ALG9: variants seen among roughly 807,000 people sequenced by gnomAD.
ALG9 encodes the protein ALG9 alpha-1,2-mannosyltransferase.
ALG9 carries 55 observed loss-of-function variants against 81.8 expected under a neutral mutation model. That is an observed-to-expected ratio of 0.67 (90% CI 0.54 to 0.84). The LOEUF is 0.84. Among genes scored for constraint, ALG9 ranks in the 40% least tolerant of loss-of-function variants. ALG9 has a pLI of 0.00. For synonymous variants in ALG9, 278 were observed against 274.3 expected (o/e 1.01, Z -0.13); for missense variants, 629 against 745.0 (o/e 0.84, Z 1.81).
intron 13 of ALG9, among the ~76,000 whole-genome samples, chr11:111,822,672 C>T (rs1952620545): frequency 6.6e-6 from 1 of 151,956 alleles, no homozygotes; most frequent in Non-Finnish European, 1.5e-5. Context: ...ATGATCATGC[C>T]ACTGCACTCC....
downstream of ALG9, among the ~76,000 whole-genome samples, chr11:111,777,367 C>T (rs1555055616): frequency 6.6e-6 from 1 of 152,102 alleles, no homozygotes; most frequent in African/African-American, 2.4e-5. Context: ...TAAAGAAATG[C>T]AATGAAGATA....
chr11:111,870,382 C>CAAA lies in ALG9; in HGVS notation c.132-15_132-13dup, dbSNP rs60312459. The CAAA allele has an allele frequency of 8.4e-4, 814 of 972,762 alleles. 3 individuals are homozygous for CAAA. Among genetic ancestry groups the CAAA allele is most frequent in the South Asian group, 3.4e-3 (145 of 42,834 alleles). The allele number at this position is 972,762 out of a possible 1,614,324, so 60.3% of individuals were successfully genotyped here. A position where few individuals can be genotyped will look rare whatever the true frequency, so the allele number is the denominator to read the frequency against. ...TGTTCCCAGATAACCTGTTCAAAAG[C>CAAA]AAAAAAAAAAAAAAAAAAAAAAGCA... On this transcript the variant is annotated splice_polypyrimidine_tract_variant and intron_variant, in intron 1 of 14. Transcript: ENST00000616540.
chr11:111,864,104 A>G, intron 4 of ALG9: 2 of 449,934 alleles, frequency 4.4e-6, no homozygotes, highest in Non-Finnish European at 8.0e-6. Flanking sequence ...CCATGTAACC[A>G]AAACCCACCT....
chr11:111,820,917 C>T (rs973795118), intron 13 of ALG9, among the ~76,000 whole-genome samples: 45 of 103,368 alleles, frequency 4.4e-4, no homozygotes, highest in East Asian at 7.4e-4. Context: ...TCCAAACACG[C>T]GCGCACACAC....
chr11:111,848,884 A>ACCACCAGAAGGACATGCTCCTATGATT (rs1478940355), intron 8 of ALG9, among the ~76,000 whole-genome samples: 25 of 152,118 alleles, frequency 1.6e-4, no homozygotes, highest in Admixed American at 1.5e-3. Flanking sequence ...CTTTCTTGAC[A>ACCACCAGAAGGACATGCTCCTATGATT]CCACCAGAAG....
chr11:111,862,679 CTT>C (rs1450410553), intron 4 of ALG9, among the ~76,000 whole-genome samples: 1 of 150,102 alleles, frequency 6.7e-6, no homozygotes, highest in African/African-American at 2.4e-5. Context: ...TCTACTGAGT[CTT>C]AAATATAAAT....
chr11:111,840,201 CG>C (rs1182576729), intron 10 of ALG9, among the ~76,000 whole-genome samples: 1 of 152,142 alleles, frequency 6.6e-6, no homozygotes, highest in Non-Finnish European at 1.5e-5. Flanking sequence ...CTACTGAAGC[CG>C]TAAGTACAGA....
chr11:111,814,662 T>C (rs928308862), intron 13 of ALG9: 1 of 152,176 alleles, frequency 6.6e-6, no homozygotes, highest in Non-Finnish European at 1.5e-5. Flanking sequence ...CTCCCAGCAT[T>C]ATTTATATGT....
At chr11:111,812,784 G>A (rs1950916382) in intron 13 of ALG9, among the ~76,000 whole-genome samples, 1 of 151,916 alleles carries the variant, frequency 6.6e-6, no homozygotes, top group Non-Finnish European at 1.5e-5. Context: ...AGGCATGGTG[G>A]TGGGCATCTG....
At chr11:111,824,909 G>A (rs1013246033) in intron 13 of ALG9, among the ~76,000 whole-genome samples, 2 of 152,128 alleles carry the variant, frequency 1.3e-5, no homozygotes, top group Non-Finnish European at 2.9e-5. Flanking sequence ...CAGAGAATTC[G>A]GAAACATCTG....
chr11:111,835,056 A>G (rs1050724290), intron 13 of ALG9, among the ~76,000 whole-genome samples: 8 of 152,128 alleles, frequency 5.3e-5, no homozygotes, highest in Non-Finnish European at 8.8e-5. Flanking sequence ...ACCAGCCCCA[A>G]TCTGGGAGAC....
In ALG9 at chr11:111,815,858, G is replaced by A. The variant is rs143686125; in HGVS notation, c.1603-6085C>T. On this transcript the variant is annotated intron_variant, in intron 13 of 14. Coordinates refer to ENST00000616540, the MANE Select transcript of ALG9 (RefSeq NM_024740.2). ...CCTTGACCAGCTCTATGAAATGTGAGTATTTAGCTGGTAGAAACAATCCCT... is the reference window on the plus strand; with the variant it reads ...CCTTGACCAGCTCTATGAAATGTGAATATTTAGCTGGTAGAAACAATCCCT... Among the ~76,000 whole-genome samples, 111 of 152,304 alleles carry A rather than the reference G, an allele frequency of 7.3e-4. 1 individual carries two copies. The highest frequency in any genetic ancestry group is 3.4e-3 in the Middle Eastern group (1 of 294).
At chr11:111,825,809 A>G (rs782627311) in intron 13 of ALG9, among the ~76,000 whole-genome samples, 4 of 152,100 alleles carry the variant, frequency 2.6e-5, no homozygotes, top group Non-Finnish European at 5.9e-5. Flanking sequence ...GCACTTTGGG[A>G]GGCCAAGGTG....
intron 1 of ALG9, chr11:111,871,068 T>A: frequency 8.5e-7 from 1 of 1,176,588 alleles, no homozygotes; most frequent in Non-Finnish European, 1.0e-6. Flanking sequence ...TGATCCTGTC[T>A]ACATCTCCCA....
At chr11:111,769,386 A>T in the ALG9 span, 1 of 152,978 alleles carries the variant, frequency 6.5e-6, no homozygotes, top group African/African-American at 2.4e-5. Context: ...TGGGAGGCCG[A>T]GATAGGAGGA....
At chr11:111,789,678 CA>C (rs879992240) in intron 14 of ALG9, among the ~76,000 whole-genome samples, 9 of 151,474 alleles carry the variant, frequency 5.9e-5, no homozygotes, top group Non-Finnish European at 7.4e-5. Flanking sequence ...ACTAAAAGTA[CA>C]AAAATAACAG....
At chr11:111,813,544 G>A (rs1410017611) in intron 13 of ALG9, among the ~76,000 whole-genome samples, 2 of 152,138 alleles carry the variant, frequency 1.3e-5, no homozygotes, top group South Asian at 2.1e-4. Flanking sequence ...AGAGGTTGCA[G>A]TGAGTCAAAA....
intron 14 of ALG9, among the ~76,000 whole-genome samples, chr11:111,797,599 G>A (rs1417030557): frequency 6.6e-6 from 1 of 152,224 alleles, no homozygotes; most frequent in Non-Finnish European, 1.5e-5. Context: ...TGGAACAAAT[G>A]CTTCTGGCTA....
intron 13 of ALG9, among the ~76,000 whole-genome samples, chr11:111,831,620 T>C (rs140085371): frequency 4.4e-4 from 67 of 152,208 alleles, no homozygotes; most frequent in African/African-American, 1.5e-3. Context: ...GGTATGAAAA[T>C]AATATTGAAG....
Sources: allele counts gnomAD v4.1 joint callset (sites outside exome capture counted in the v4.1 genomes callset), GRCh38; gene constraint gnomAD v4.1.1; transcripts MANE v1.5; gene names NCBI Gene and HGNC (gene_info 2026-07-23, HGNC 2026-07-21).